Variants in WDFY4 observed in about 807,000 individuals in gnomAD.
The protein encoded by WDFY4 is WD repeat- and FYVE domain-containing protein 4.
A neutral mutation model predicts 351.9 loss-of-function variants in WDFY4; 169 were observed. That is an observed-to-expected ratio of 0.48 (90% confidence interval 0.42 to 0.55). WDFY4 has a LOEUF of 0.55. WDFY4 is among the 20% of genes least tolerant of loss of function. The pLI is 0.00. For synonymous variants in WDFY4, 1,622 were observed against 1,574.6 expected, an observed-to-expected ratio of 1.03 and a Z score of -0.71; for missense variants, 3,803 against 3,935.6, an observed-to-expected ratio of 0.97 and a Z score of 0.90.
At chr10:48,955,308 T>A (rs1465261200) in intron 51 of WDFY4, among the ~76,000 whole-genome samples, 1 of 152,220 alleles carries the variant, frequency 6.6e-6, no homozygotes, top group African/African-American at 2.4e-5. Flanking sequence ...CCATGTGCTG[T>A]GTTTGCTTGA....
intron 47 of WDFY4, chr10:48,914,314 G>T: frequency 1.3e-6 from 1 of 785,008 alleles, no homozygotes; most frequent in Non-Finnish European, 2.0e-6. Flanking sequence ...TTGCTCTTCA[G>T]TGGTTTAAAA....
chr10:48,915,172 T>C (rs1838399632), intron 47 of WDFY4, among the ~76,000 whole-genome samples: 1 of 152,208 alleles, frequency 6.6e-6, no homozygotes, highest in African/African-American at 2.4e-5. Flanking sequence ...AATTATCTAA[T>C]ACTATAAAGC....
intron 46 of WDFY4, 105 bp downstream of exon 46, chr10:48,900,411 A>G (rs1047085608): frequency 1.9e-6 from 2 of 1,055,304 alleles, no homozygotes; most frequent in East Asian, 2.7e-5. Context: ...CTCAACCCAC[A>G]GTGAACGCCA....
chr10:48,944,785 G>A (rs891938115), intron 49 of WDFY4, among the ~76,000 whole-genome samples: 7 of 152,108 alleles, frequency 4.6e-5, no homozygotes, highest in African/African-American at 1.7e-4. Context: ...GGTCATACTA[G>A]GTATTTAAAA....
At chr10:48,705,310 A>T (rs1183031026) in intron 1 of WDFY4, among the ~76,000 whole-genome samples, 1 of 152,170 alleles carries the variant, frequency 6.6e-6, no homozygotes, top group African/African-American at 2.4e-5. Context: ...GTTGCATAAA[A>T]TTATCATTTT....
chr10:48,695,058 A>G (rs2063296862), intron 1 of WDFY4, among the ~76,000 whole-genome samples: 1 of 152,232 alleles, frequency 6.6e-6, no homozygotes, highest in African/African-American at 2.4e-5. Context: ...TACACGGAAC[A>G]TGCCAAGTAG....
chr10:48,800,725 TCTTTC>T (rs1589643679), intron 24 of WDFY4, among the ~76,000 whole-genome samples: 129 of 122,574 alleles, frequency 1.1e-3, no homozygotes, highest in African/African-American at 3.3e-3. Flanking sequence ...TTTCTTTCAT[TCTTTC>T]TTTTTTTTTT....
intron 4 of WDFY4, 53 bp from the exon 5 acceptor site, chr10:48,723,380 G>A: frequency 1.3e-6 from 2 of 1,539,032 alleles, no homozygotes; most frequent in Non-Finnish European, 1.7e-6. Flanking sequence ...GGTCTGGGCT[G>A]ACCTGCTTCT....
chr10:48,706,134 CGA>C lies in WDFY4; in HGVS notation c.-17-3569_-17-3568del, dbSNP rs138147604. Among the ~76,000 whole-genome samples, 62 of 151,746 alleles carry C rather than the reference CGA, an allele frequency of 4.1e-4. No homozygotes were observed. The East Asian group carries it at 0.011, about 28-fold the overall frequency. Reference sequence around the variant, plus strand: ...AACTTGTTCCAAAGAGGGGTCTAGGCGAGAGAGAGAGAGATTGAGATTTGGGT... The same window carrying C: ...AACTTGTTCCAAAGAGGGGTCTAGGCGAGAGAGAGAGATTGAGATTTGGGT... On this transcript the variant is annotated intron_variant, in intron 1 of 61. Coordinates refer to ENST00000325239, the MANE Select transcript of WDFY4 (RefSeq NM_001394531.1).
At chr10:48,778,968 G>C in intron 18 of WDFY4, 136 bp downstream of exon 18, 1 of 965,522 alleles carries the variant, frequency 1.0e-6, no homozygotes, top group South Asian at 1.7e-5. Flanking sequence ...TGCTCCCTTG[G>C]GTTCCATACC....
chr10:48,862,466 G>A (rs1403453678), intron 39 of WDFY4, among the ~76,000 whole-genome samples: 2 of 152,094 alleles, frequency 1.3e-5, no homozygotes, highest in Non-Finnish European at 2.9e-5. Flanking sequence ...GCACATGCCA[G>A]GGATCTAGGT....
chr10:48,736,187 T>C, intron 11 of WDFY4, 117 bp downstream of exon 11: 1 of 1,168,440 alleles, frequency 8.6e-7, no homozygotes, highest in Non-Finnish European at 1.2e-6. Flanking sequence ...TGGCAGGCAG[T>C]ACCCTGTATT....
At chr10:48,712,418 A>G (rs1164841162) in intron 2 of WDFY4, among the ~76,000 whole-genome samples, 1 of 152,150 alleles carries the variant, frequency 6.6e-6, no homozygotes, top group African/African-American at 2.4e-5. Context: ...TGCTGACACA[A>G]TCTGCTACTC....
intron 51 of WDFY4, among the ~76,000 whole-genome samples, chr10:48,950,316 C>T (rs528575779): frequency 6.6e-6 from 1 of 152,318 alleles, no homozygotes; most frequent in Admixed American, 6.5e-5. Context: ...TTGTGACTGG[C>T]TTCTTGCACT....
rs1483461304 is a variant in WDFY4 at position 48,811,586 on chromosome 10, C to T, written c.5092C>T (p.Leu1698Phe). 2 of 1,552,248 alleles carry T rather than the reference C, an allele frequency of 1.3e-6. No individual in the cohort carries two copies. Among genetic ancestry groups the T allele is most frequent in the East Asian group, 2.4e-5 (1 of 40,934 alleles). The change falls in exon 30 of 62, where the codon CTT (leucine) becomes TTT (phenylalanine). Residue 1698 changes from leucine (L) to phenylalanine (F), a missense_variant. This residue lies in a region of WDFY4 where 3,054 missense variants were observed against 3,148.6 expected (regional missense o/e 0.97). Coordinates refer to ENST00000325239, the MANE Select transcript of WDFY4 (RefSeq NM_001394531.1). ...ACTGCCTGAGCAAAGCCCATGCCTG[C>T]TTCCTGGGTTCCGTGTCTTGAATGA... ...SPLPEQSPCLLPGFRVLNDFL... is the reference protein window; with the variant it reads ...SPLPEQSPCLFPGFRVLNDFL...
At chr10:48,873,807 T>A in intron 41 of WDFY4, 110 bp downstream of exon 41, 1 of 1,250,492 alleles carries the variant, frequency 8.0e-7, no homozygotes, top group African/African-American at 1.5e-5. Flanking sequence ...AGATAACACA[T>A]GCAGTTAAAT....
At chr10:48,952,234 C>T (rs1589980948) in intron 51 of WDFY4, among the ~76,000 whole-genome samples, 1 of 152,274 alleles carries the variant, frequency 6.6e-6, no homozygotes, top group Middle Eastern at 3.4e-3. Context: ...CACTTGCTGC[C>T]TGCAGCTCAG....
At chr10:48,689,027 G>T (rs1034110727) in intron 1 of WDFY4, among the ~76,000 whole-genome samples, 3 of 152,156 alleles carry the variant, frequency 2.0e-5, no homozygotes, top group African/African-American at 7.2e-5. Flanking sequence ...ATGAAGGCTT[G>T]GCCCCCTCCA....
chr10:48,742,314 CTCTT>C (rs1311425346), intron 11 of WDFY4, among the ~76,000 whole-genome samples: 1 of 152,212 alleles, frequency 6.6e-6, no homozygotes, highest in Non-Finnish European at 1.5e-5. Context: ...GGTTTCTCTT[CTCTT>C]TCTGACACAC....
Sources: gnomAD v4.1 joint callset for allele counts (sites outside exome capture counted in the v4.1 genomes callset) on GRCh38, gnomAD v4.1.1 for gene constraint, gnomAD v4.1.1 regional missense constraint, MANE v1.5 for transcripts, NCBI Gene and HGNC (gene_info 2026-07-23, HGNC 2026-07-21) for gene names.